Variants in ARHGEF3 observed in about 807,000 individuals in gnomAD.
ARHGEF3 encodes Rho guanine nucleotide exchange factor 3.
Under a neutral mutation model 63.2 loss-of-function variants are expected in ARHGEF3, and 28 were observed. The observed-to-expected ratio is 0.44, with a 90% confidence interval of 0.33 to 0.61. The LOEUF (loss-of-function observed/expected upper bound fraction) is 0.61. ARHGEF3 is among the 20% of genes least tolerant of loss of function. The probability of loss-of-function intolerance (pLI) is 0.03; values close to 1 mark genes in which losing one functional copy is unlikely to be tolerated. For missense variants in ARHGEF3, 533 were observed against 659.3 expected, an observed-to-expected ratio of 0.81 and a Z score of 2.10; for synonymous variants, 266 against 254.2, an observed-to-expected ratio of 1.05 and a Z score of -0.44.
At chr3:56,824,151 CAG>C (rs2038625559) in intron 4 of ARHGEF3, among the ~76,000 whole-genome samples, 1 of 152,134 alleles carries the variant, frequency 6.6e-6, no homozygotes, top group African/African-American at 2.4e-5. Context: ...GTTTGCTTAA[CAG>C]AGAGCTTTAA....
At chr3:56,856,227 C>A (rs143937883) in intron 4 of ARHGEF3, among the ~76,000 whole-genome samples, 2 of 151,844 alleles carry the variant, frequency 1.3e-5, no homozygotes, top group South Asian at 2.1e-4. Flanking sequence ...AAAAAGGAAG[C>A]GGAGGGATAA....
At position 56,800,179 on chromosome 3, in the gene ARHGEF3, T is replaced by TA. The variant is rs567679631; in HGVS notation, c.96+1523dup. On this transcript the variant is annotated intron_variant, in intron 1 of 9. Coordinates refer to ENST00000296315, the MANE Select transcript of ARHGEF3 (RefSeq NM_019555.3). ...TAAGTAATAGTAGGAAGGGACTGGT[T>TA]AGAGTCCTCAGCTATCCTCACTATT... Among the ~76,000 whole-genome samples the TA allele has an allele frequency of 5.1e-4, 77 of 152,362 alleles. No homozygotes were observed. In the Middle Eastern group the frequency reaches 0.01, roughly 20 times the overall value.
At chr3:56,890,109 G>T (rs72870528) in intron 3 of ARHGEF3, among the ~76,000 whole-genome samples, 1 of 152,076 alleles carries the variant, frequency 6.6e-6, no homozygotes, top group Non-Finnish European at 1.5e-5. Context: ...AATCATATGT[G>T]TTTTAAAACA....
chr3:57,074,352 A>T, intron 1 of ARHGEF3: 1 of 1,242,712 alleles, frequency 8.0e-7, no homozygotes. Context: ...TCCATCCCCC[A>T]CCCCCACCAG....
chr3:57,014,873 C>T (rs554228592), intron 2 of ARHGEF3, among the ~76,000 whole-genome samples: 85 of 152,006 alleles, frequency 5.6e-4, no homozygotes, highest in African/African-American at 2.0e-3. Context: ...TTTTACTAGT[C>T]ACGGGGTTTC....
chr3:57,026,167 A>G (rs1483873412), intron 2 of ARHGEF3, among the ~76,000 whole-genome samples: 1 of 152,202 alleles, frequency 6.6e-6, no homozygotes, highest in Non-Finnish European at 1.5e-5. Context: ...TAGGAGGCCA[A>G]GGCAGAAGGA....
chr3:56,822,654 A>C (rs1157584595), intron 4 of ARHGEF3, among the ~76,000 whole-genome samples: 1 of 152,104 alleles, frequency 6.6e-6, no homozygotes, highest in African/African-American at 2.4e-5. Context: ...TGAGCTCAAG[A>C]CCAGCCTGGG....
At chr3:56,890,256 C>T (rs1407725543) in intron 3 of ARHGEF3, among the ~76,000 whole-genome samples, 1 of 152,160 alleles carries the variant, frequency 6.6e-6, no homozygotes, top group South Asian at 2.1e-4. Context: ...CCTTCATTCA[C>T]TCAACAAATA....
rs987155543 is a variant in ARHGEF3 at position 56,926,148 on chromosome 3, T to C, written c.129+32675A>G. 2.6e-5 allele frequency among the ~76,000 whole-genome samples: 4 copies of C among 152,292 alleles called. No homozygotes were observed. The South Asian group carries it at 6.2e-4, about 24-fold the overall frequency. On this transcript the variant is annotated intron_variant, in intron 3 of 12. Coordinates refer to the ARHGEF3 transcript ENST00000338458. Reference sequence around the variant, plus strand: ...GGGACCATTCTCAGGGTCTCCCCAATGACAGTGCCATTCCAGCTGGTTGTC... The same window carrying C: ...GGGACCATTCTCAGGGTCTCCCCAACGACAGTGCCATTCCAGCTGGTTGTC...
chr3:57,042,687 TATATATATA>T lies in ARHGEF3; in HGVS notation c.-27-7520_-27-7512del, dbSNP rs1472547638. ...ATATATATATATATATATATATATA[TATATATATA>T]TATATTTTTTTTTTTTTTTAGACGG... is the stretch of plus-strand genomic sequence containing the variant. On this transcript the variant is annotated intron_variant, in intron 1 of 12. Transcript: ENST00000338458. Among the ~76,000 whole-genome samples, 204 of 24,804 alleles carry T rather than the reference TATATATATA, an allele frequency of 8.2e-3. 7 individuals are homozygous for T. Among genetic ancestry groups the T allele is most frequent in the Middle Eastern group, 0.036 (2 of 56 alleles). 16.3% of individuals were successfully genotyped at this position (24,804 alleles called of 152,430 possible).
chr3:57,012,082 T>C (rs973302650), intron 2 of ARHGEF3, among the ~76,000 whole-genome samples: 1 of 152,098 alleles, frequency 6.6e-6, no homozygotes, highest in African/African-American at 2.4e-5. Flanking sequence ...CCAAGAAGAC[T>C]GAGGTTGAGT....
chr3:56,772,827 C>T (rs1191526612), intron 2 of ARHGEF3, among the ~76,000 whole-genome samples: 2 of 151,998 alleles, frequency 1.3e-5, no homozygotes, highest in East Asian at 1.9e-4. Context: ...ATTCCATGAA[C>T]GTTTGGTGGC....
At chr3:56,882,321 C>T (rs2040794039) in exon 4 of ARHGEF3, 12 of 1,551,802 alleles carry the variant, frequency 7.7e-6, no homozygotes, top group Non-Finnish European at 1.0e-5. Flanking sequence ...AGGCTAACAG[C>T]ATCTTCATCT....
chr3:56,853,843 C>T (rs1317760010), intron 4 of ARHGEF3, among the ~76,000 whole-genome samples: 2 of 152,110 alleles, frequency 1.3e-5, no homozygotes, highest in African/African-American at 4.8e-5. Flanking sequence ...CCTATGGAAG[C>T]CTTCGGAGGG....
intron 4 of ARHGEF3, among the ~76,000 whole-genome samples, chr3:56,851,292 T>A (rs1578674472): frequency 6.6e-6 from 1 of 152,144 alleles, no homozygotes; most frequent in African/African-American, 2.4e-5. Flanking sequence ...ACCTCTCTCC[T>A]GCCCTCCTTC....
rs1559896778 is a variant in ARHGEF3 at position 56,745,250 on chromosome 3, C to T, written c.825G>A (p.Arg275=). 6.2e-7 allele frequency: 1 copy of T among 1,613,898 alleles called. No homozygotes were observed. The change falls in exon 7 of 10, where the codon AGG becomes AGA. Residue 275 remains arginine (R), a synonymous_variant. Coordinates refer to ENST00000296315, the MANE Select transcript of ARHGEF3 (RefSeq NM_019555.3). ...KYPLLLREIL[R]HTPNDNPDQQ... ...GATCTGGATTATCATTTGGTGTGTG[C>T]CTCAAGATTTCTCGGAGAAGCAGAG... is the stretch of plus-strand genomic sequence containing the variant.
At chr3:57,043,399 G>A (rs550932951) in intron 1 of ARHGEF3, among the ~76,000 whole-genome samples, 1 of 152,048 alleles carries the variant, frequency 6.6e-6, no homozygotes, top group East Asian at 1.9e-4. Context: ...ACAGGCATGA[G>A]CCACAGCGCC....
rs929811879 is a variant in ARHGEF3, at chr3:56,801,947, AC to A, written c.-150del. 2 of 1,481,042 alleles carry A rather than the reference AC, an allele frequency of 1.4e-6. No individual in the cohort carries two copies. The highest frequency in any genetic ancestry group is 1.8e-6 in the Non-Finnish European group (2 of 1,111,792). 91.7% of individuals were successfully genotyped at this position (1,481,042 alleles called of 1,614,324 possible). A position where few individuals can be genotyped will look rare whatever the true frequency, so the allele number is the denominator to read the frequency against. ...CCGGCTTCTAGCCGGGCAGGACTCG[AC>A]TGGGCTCCGGAGCCGAGTGGGCGGG... On this transcript the variant is annotated 5_prime_UTR_variant, in exon 1 of 10. Transcript: ENST00000296315.
rs1041099781 is a variant in ARHGEF3, at chr3:56,845,549, G to A, written c.192+36743C>T. On this transcript the variant is annotated intron_variant, in intron 4 of 12. Transcript: ENST00000338458. ...CCAGTGCTATATTTTGTGTTTCTTT[G>A]TTGATTTTCCCTTTCCTTTCACAGT... is the stretch of plus-strand genomic sequence containing the variant. Among the ~76,000 whole-genome samples the A allele has an allele frequency of 3.3e-5, 5 of 152,232 alleles. No homozygotes were observed. In the East Asian group the frequency reaches 5.8e-4, roughly 18 times the overall value.
Sources: gnomAD v4.1 joint callset for allele counts (sites outside exome capture counted in the v4.1 genomes callset) on GRCh38, gnomAD v4.1.1 for gene constraint, MANE v1.5 for transcripts, NCBI Gene and HGNC (gene_info 2026-07-23, HGNC 2026-07-21) for gene names.